PI4KA: variants seen among roughly 807,000 people sequenced by gnomAD.
PI4KA encodes phosphatidylinositol 4-kinase alpha.
A neutral mutation model predicts 271.4 loss-of-function variants in PI4KA; 122 were observed. That is an observed-to-expected ratio of 0.45 (90% CI 0.39 to 0.52). The LOEUF (loss-of-function observed/expected upper bound fraction) is 0.52, where lower values mean the gene tolerates loss of function less well. PI4KA is among the 20% of genes least tolerant of loss of function. The pLI, the probability that PI4KA is intolerant of heterozygous loss-of-function variation, is 0.00. For missense variants in PI4KA, 1,969 were observed against 2,769.1 expected (o/e 0.71, Z 6.48); for synonymous variants, 1,041 against 1,078.8 (o/e 0.96, Z 0.69).
intron 19 of PI4KA, chr22:20,779,365 G>A (rs1933559374): frequency 2.5e-6 from 4 of 1,614,210 alleles, no homozygotes; most frequent in Non-Finnish European, 3.4e-6. Context: ...ACATCTGCGT[G>A]GGGTGGGAGC....
intron 1 of PI4KA, among the ~76,000 whole-genome samples, chr22:20,840,008 G>A (rs537889640): frequency 6.6e-6 from 1 of 152,330 alleles, no homozygotes; most frequent in Admixed American, 6.5e-5. Context: ...GCACAGGGAA[G>A]AACTGGCCCT....
intron 23 of PI4KA, among the ~76,000 whole-genome samples, chr22:20,754,735 G>A (rs551472441): frequency 6.6e-6 from 1 of 152,202 alleles, no homozygotes; most frequent in Non-Finnish European, 1.5e-5. Flanking sequence ...GGATCACGAG[G>A]TCAGGAGTTC....
intron 19 of PI4KA, among the ~76,000 whole-genome samples, chr22:20,766,647 A>G (rs1301827419): frequency 6.6e-6 from 1 of 152,202 alleles, no homozygotes; most frequent in African/African-American, 2.4e-5. Flanking sequence ...CCTGGGCAAC[A>G]AGGGCGAAAC....
intron 1 of PI4KA, 139 bp from the exon 2 acceptor site, chr22:20,838,870 A>T (rs1925209945): frequency 1.7e-6 from 1 of 602,370 alleles, no homozygotes; most frequent in Admixed American, 3.0e-5. Context: ...TTGAGTTGGG[A>T]GTTTGAGACT....
At chr22:20,826,819 T>C (rs1273699795) in intron 3 of PI4KA, among the ~76,000 whole-genome samples, 1 of 152,230 alleles carries the variant, frequency 6.6e-6, no homozygotes, top group Admixed American at 6.5e-5. Context: ...ATGATGAGCA[T>C]ATTTTTCATA....
intron 14 of PI4KA, among the ~76,000 whole-genome samples, chr22:20,800,519 T>C (rs1317481946): frequency 1.3e-5 from 2 of 152,132 alleles, no homozygotes; most frequent in African/African-American, 4.8e-5. Context: ...GTTGAGCTAA[T>C]GGATAATCCT....
In PI4KA at chr22:20,834,741, A is replaced by G. The variant is rs957266685; in HGVS notation, c.274-86T>C. On this transcript the variant is annotated intron_variant, in intron 2 of 54. Transcript: ENST00000255882. ...TTAGCCCAGATTAAGCCCAAAGCAA[A>G]GCATATCCACATCCTAATCATCTCA... 7.7e-6 allele frequency: 6 copies of G among 775,598 alleles called. No homozygotes were observed. The African/African-American group carries it at 1.0e-4, about 14-fold the overall frequency. The allele number at this position is 775,598 out of a possible 1,614,324, so 48.0% of individuals were successfully genotyped here.
At chr22:20,759,032 G>A (rs1468893399) in intron 23 of PI4KA, among the ~76,000 whole-genome samples, 1 of 152,140 alleles carries the variant, frequency 6.6e-6, no homozygotes, top group Non-Finnish European at 1.5e-5. Context: ...GTATCTCAGA[G>A]CCCCTGGGGC....
chr22:20,772,248 G>A (rs546997759), intron 19 of PI4KA, among the ~76,000 whole-genome samples: 2 of 152,342 alleles, frequency 1.3e-5, no homozygotes, highest in South Asian at 2.1e-4. Flanking sequence ...GTGACGCCTC[G>A]GTGAAACCAA....
intron 19 of PI4KA, among the ~76,000 whole-genome samples, chr22:20,766,540 C>T (rs890942363): frequency 6.6e-6 from 1 of 152,186 alleles, no homozygotes; most frequent in Non-Finnish European, 1.5e-5. Context: ...TGGCAGGCAC[C>T]TGTAATCCCA....
At chr22:20,711,834 T>C (rs1190159005) in intron 50 of PI4KA, among the ~76,000 whole-genome samples, 1 of 151,832 alleles carries the variant, frequency 6.6e-6, no homozygotes, top group Non-Finnish European at 1.5e-5. Context: ...AACCTCTGCC[T>C]CCTGGGTTCA....
intron 32 of PI4KA, among the ~76,000 whole-genome samples, chr22:20,738,527 G>C (rs1929002595): frequency 6.6e-6 from 1 of 152,192 alleles, no homozygotes; most frequent in African/African-American, 2.4e-5. Context: ...CAGCAAGTGT[G>C]ACATCTCTTC....
rs924854644 is a variant in PI4KA at position 20,858,775 on chromosome 22, G to T, written c.-50C>A. On this transcript the variant is annotated 5_prime_UTR_variant, in exon 1 of 55. The change creates a premature stop within an existing upstream ORF in the 5' untranslated region. Coordinates refer to ENST00000255882, the MANE Select transcript of PI4KA (RefSeq NM_058004.4). ...CGCCGGCTCCCCGCTCCTGGCCCGC[G>T]AGCGCCCGACCTCAGGGCGCAGGCG... 12 of 1,366,326 alleles carry T rather than the reference G, an allele frequency of 8.8e-6. No homozygotes were observed. Among genetic ancestry groups the T allele is most frequent in the African/African-American group, 1.5e-5 (1 of 65,564 alleles). The allele number at this position is 1,366,326 out of a possible 1,614,324, so 84.6% of individuals were successfully genotyped here.
intron 19 of PI4KA, among the ~76,000 whole-genome samples, chr22:20,776,248 T>C (rs1401637489): frequency 6.6e-6 from 1 of 152,112 alleles, no homozygotes; most frequent in Non-Finnish European, 1.5e-5. Context: ...CTCTTGAGCC[T>C]GAGAGGAACA....
In PI4KA at chr22:20,772,318, A is replaced by G. The variant is rs938558709; in HGVS notation, c.2329-6625T>C. Among the ~76,000 whole-genome samples the G allele has an allele frequency of 2.5e-4, 38 of 152,208 alleles. 1 individual carries two copies. The highest frequency in any genetic ancestry group is 9.2e-4 in the African/African-American group (38 of 41,450). On this transcript the variant is annotated intron_variant, in intron 19 of 54. Coordinates refer to ENST00000255882, the MANE Select transcript of PI4KA (RefSeq NM_058004.4). ...CTGCAGGGATGGTGTCCTGGGCAGA[A>G]AGAATAGCAAGTGCCAGGGCTGTGC...
At chr22:20,717,314 G>T (rs1452164491) in intron 45 of PI4KA, among the ~76,000 whole-genome samples, 1 of 151,058 alleles carries the variant, frequency 6.6e-6, no homozygotes, top group Non-Finnish European at 1.5e-5. Flanking sequence ...TGGAGGCGGT[G>T]GGGGGGTGGT....
intron 18 of PI4KA, among the ~76,000 whole-genome samples, chr22:20,795,292 G>C (rs1389993251): frequency 6.7e-6 from 1 of 148,950 alleles, no homozygotes; most frequent in Non-Finnish European, 1.5e-5. Context: ...AAACTTTCTA[G>C]CTCATTACAA....
chr22:20,779,268 C>A (rs932513813), intron 19 of PI4KA: 5 of 1,613,062 alleles, frequency 3.1e-6, no homozygotes, highest in Non-Finnish European at 4.2e-6. Context: ...GCCAGGCCGC[C>A]TTTCACTGTG....
At chr22:20,751,876 T>A in intron 25 of PI4KA, 121 bp from the exon 26 acceptor site, 1 of 799,356 alleles carries the variant, frequency 1.3e-6, no homozygotes, top group African/African-American at 1.7e-5. Context: ...AAGGAGGAGG[T>A]CGGGAGGCCC....
Sources: allele counts gnomAD v4.1 joint callset (sites outside exome capture counted in the v4.1 genomes callset), GRCh38; gene constraint gnomAD v4.1.1; transcripts MANE v1.5; gene names NCBI Gene and HGNC (gene_info 2026-07-23, HGNC 2026-07-21).